The following CNBD1 variants were observed in gnomAD, a reference collection of about 807,000 sequenced individuals.
CNBD1 encodes cyclic nucleotide-binding domain-containing protein 1.
Under a neutral mutation model 54.4 loss-of-function variants are expected in CNBD1, and 71 were observed. The observed-to-expected ratio is 1.30, with a 90% CI of 1.08 to 1.59. The LOEUF (loss-of-function observed/expected upper bound fraction) is 1.59, where lower values mean the gene tolerates loss of function less well. Among genes scored for constraint, CNBD1 ranks in the 40% most tolerant of loss-of-function variants. The probability of loss-of-function intolerance (pLI) is 0.00; values close to 1 mark genes in which losing one functional copy is unlikely to be tolerated. For missense variants in CNBD1, 659 were observed against 518.0 expected, an observed-to-expected ratio of 1.27 and a Z score of -2.64; for synonymous variants, 182 against 170.7, an observed-to-expected ratio of 1.07 and a Z score of -0.51.
chr8:87,264,106 C>A (rs1412668429), intron 6 of CNBD1, among the ~76,000 whole-genome samples: 1 of 152,088 alleles, frequency 6.6e-6, no homozygotes. Context: ...ATTAACTCGT[C>A]ATTTAACATT....
At chr8:87,385,391 C>A (rs1261449665), downstream of CNBD1, among the ~76,000 whole-genome samples, 9 of 152,234 alleles carry the variant, frequency 5.9e-5, no homozygotes, top group Non-Finnish European at 1.0e-4. Flanking sequence ...TGACAGATGG[C>A]ACCTGGAAAA....
At chr8:87,340,512 C>T (rs968794472) in intron 8 of CNBD1, among the ~76,000 whole-genome samples, 7 of 152,112 alleles carry the variant, frequency 4.6e-5, no homozygotes, top group Non-Finnish European at 5.9e-5. Flanking sequence ...TCTCTCTTCT[C>T]CTTTGGGAAC....
chr8:86,947,628 A>G (rs539772262), intron 4 of CNBD1, among the ~76,000 whole-genome samples: 1 of 151,750 alleles, frequency 6.6e-6, no homozygotes, highest in South Asian at 2.1e-4. Context: ...TTATTTTTTT[A>G]TTTTTGTGGG....
chr8:87,107,108 G>A (rs779450357), intron 4 of CNBD1, among the ~76,000 whole-genome samples: 2 of 152,060 alleles, frequency 1.3e-5, no homozygotes, highest in African/African-American at 2.4e-5. Context: ...GATTACAGAC[G>A]TGAGCCACCG....
At chr8:87,323,787 C>T (rs1321136263) in intron 8 of CNBD1, among the ~76,000 whole-genome samples, 1 of 101,666 alleles carries the variant, frequency 9.8e-6, no homozygotes, top group Non-Finnish European at 2.4e-5. Flanking sequence ...AATTGAATAC[C>T]CTTTATTTCC....
intron 4 of CNBD1, among the ~76,000 whole-genome samples, chr8:86,976,962 C>A (rs1056786643): frequency 6.6e-6 from 1 of 151,922 alleles, no homozygotes; most frequent in Non-Finnish European, 1.5e-5. Flanking sequence ...ATCATTCTAT[C>A]GGCAAACAGA....
intron 8 of CNBD1, among the ~76,000 whole-genome samples, chr8:87,329,195 T>C (rs550328940): frequency 1.3e-5 from 2 of 152,176 alleles, no homozygotes; most frequent in Non-Finnish European, 2.9e-5. Context: ...TGTACTGCCT[T>C]TGTTCTGTTT....
chr8:87,421,635 C>G (rs62528190), intron 2 of CNBD1, among the ~76,000 whole-genome samples: 3 of 151,644 alleles, frequency 2.0e-5, no homozygotes, highest in Non-Finnish European at 4.4e-5. Flanking sequence ...TAGTATTCCA[C>G]GGTGTATATG....
intron 10 of CNBD1, among the ~76,000 whole-genome samples, chr8:87,359,841 G>A (rs112877080): frequency 0.015 from 2,253 of 151,916 alleles, 56 homozygotes; most frequent in African/African-American, 0.048. Context: ...ATAGGTGTTA[G>A]GAATAATTTA....
chr8:87,307,750 A>T (rs1356406485), intron 8 of CNBD1, among the ~76,000 whole-genome samples: 1 of 145,604 alleles, frequency 6.9e-6, no homozygotes, highest in Non-Finnish European at 1.5e-5. Flanking sequence ...AAAAAAAATT[A>T]TATATATATA....
At chr8:86,949,574 T>G (rs556223107) in intron 4 of CNBD1, among the ~76,000 whole-genome samples, 1 of 152,324 alleles carries the variant, frequency 6.6e-6, no homozygotes, top group Non-Finnish European at 1.5e-5. Context: ...TTTTGTATCT[T>G]GCAGTTTTAC....
At chr8:87,174,922 G>C (rs1303346299) in intron 4 of CNBD1, among the ~76,000 whole-genome samples, 1 of 152,150 alleles carries the variant, frequency 6.6e-6, no homozygotes, top group Non-Finnish European at 1.5e-5. Context: ...TCCCAAATCA[G>C]TGAAGTCTTC....
At position 86,994,870 on chromosome 8, in the gene CNBD1, G is replaced by A. The variant is rs116991422; in HGVS notation, c.431+55116G>A. Among the ~76,000 whole-genome samples the A allele has an allele frequency of 1.1e-4, 17 of 152,226 alleles. No homozygotes were observed. In the East Asian group the frequency reaches 3.3e-3, roughly 29 times the overall value. ...TTGTTAAGTGCCATGAATAAAATAAGCCACATGCTTTGATAAAGAATAATA... is the reference window on the plus strand; with the variant it reads ...TTGTTAAGTGCCATGAATAAAATAAACCACATGCTTTGATAAAGAATAATA... On this transcript the variant is annotated intron_variant, in intron 4 of 10. Coordinates refer to ENST00000518476, the MANE Select transcript of CNBD1 (RefSeq NM_173538.3).
intron 4 of CNBD1, among the ~76,000 whole-genome samples, chr8:86,957,994 G>C (rs1158552193): frequency 6.6e-6 from 1 of 152,152 alleles, no homozygotes; most frequent in Non-Finnish European, 1.5e-5. Flanking sequence ...TCTACACACT[G>C]CTTTAAATGT....
intron 3 of CNBD1, among the ~76,000 whole-genome samples, chr8:86,909,129 A>G (rs905103700): frequency 1.3e-5 from 2 of 152,106 alleles, no homozygotes; most frequent in South Asian, 4.1e-4. Flanking sequence ...CATTTTTTTT[A>G]AAACAACAAC....
intron 2 of CNBD1, among the ~76,000 whole-genome samples, chr8:86,899,921 C>T (rs138904178): frequency 1.5e-4 from 23 of 152,272 alleles, no homozygotes; most frequent in African/African-American, 5.5e-4. Context: ...TTCCTCCCAC[C>T]CATGCTCCTT....
chr8:86,903,650 T>C (rs1009987695), intron 2 of CNBD1, among the ~76,000 whole-genome samples: 4 of 152,096 alleles, frequency 2.6e-5, no homozygotes, highest in East Asian at 1.9e-4. Context: ...TTCTTAGTTA[T>C]ATGAATTAGG....
At chr8:87,331,643 C>G (rs1809834806) in intron 8 of CNBD1, among the ~76,000 whole-genome samples, 1 of 152,162 alleles carries the variant, frequency 6.6e-6, no homozygotes, top group Admixed American at 6.5e-5. Context: ...ACCACACTGT[C>G]TTCCACAATG....
chr8:87,397,870 A>AG (rs1403890700), intron 2 of CNBD1, among the ~76,000 whole-genome samples: 7 of 151,982 alleles, frequency 4.6e-5, no homozygotes, highest in African/African-American at 1.4e-4. Context: ...TGGGTCTCAC[A>AG]GATGTGATGG....
Sources: allele counts gnomAD v4.1 joint callset (sites outside exome capture counted in the v4.1 genomes callset), GRCh38; gene constraint gnomAD v4.1.1; transcripts MANE v1.5; gene names NCBI Gene and HGNC (gene_info 2026-07-23, HGNC 2026-07-21).